NMRAL1: variants seen among roughly 807,000 people sequenced by gnomAD.
The protein encoded by NMRAL1 is NmrA like redox sensor 1, also known as nmrA-like family domain-containing protein 1.
Under a neutral mutation model 27.5 loss-of-function variants are expected in NMRAL1, and 32 were observed. The ratio of observed to expected loss-of-function variants is 1.16; its 90% CI spans 0.88 to 1.56. The LOEUF is 1.56. Among genes scored for constraint, NMRAL1 ranks in the 40% most tolerant of loss-of-function variants. The probability of loss-of-function intolerance (pLI) is 0.00; values close to 1 mark genes in which losing one functional copy is unlikely to be tolerated. For synonymous variants in NMRAL1, 166 were observed against 166.8 expected (o/e 1.00, Z 0.04); for missense variants, 420 against 392.0 (o/e 1.07, Z -0.60).
In NMRAL1 at chr16:4,463,846, C is replaced by G. The variant is rs78791614; in HGVS notation, c.534G>C (p.Leu178Phe). 1 of 1,612,644 alleles carries G rather than the reference C, an allele frequency of 6.2e-7. No individual in the cohort carries two copies. The highest frequency in any genetic ancestry group is 1.3e-5 in the African/African-American group (1 of 75,042). Residue 178 changes from leucine (L) to phenylalanine (F), a missense_variant, in exon 5 of 6, where the codon TTG becomes TTC. Leu to Phe is a conservative substitution (Grantham distance 22). Coordinates refer to ENST00000283429, the MANE Select transcript of NMRAL1 (RefSeq NM_020677.6). ...CATCCATGGGAACGTCACCTGTGGG[C>G]AAGCCTGTGGGGCAGAGACGTGAGC... is the stretch of plus-strand genomic sequence containing the variant. The part of the protein sequence containing the change: ...APDGKSYLLS[L>F]PTGDVPMDGM...
At chr16:4,469,701 A>G (rs1567358811) in intron 2 of NMRAL1, 1 of 757,418 alleles carries the variant, frequency 1.3e-6, no homozygotes, top group Non-Finnish European at 2.0e-6. Flanking sequence ...CCCCGCCTCT[A>G]TCAAAAAATA....
chr16:4,464,021 TG>T (rs1166937894), intron 4 of NMRAL1, 171 bp from the exon 5 acceptor site: 2 of 562,906 alleles, frequency 3.6e-6, no homozygotes, highest in Non-Finnish European at 6.2e-6. Context: ...GAGGCAGCAG[TG>T]GAATTGAGTC....
At position 4,463,661 on chromosome 16, in the gene NMRAL1, T is replaced by A; in HGVS notation, c.719A>T (p.Lys240Met). Reference sequence around the variant, plus strand: ...AGTCACCTGGGGCGGGAGGCCCACCTTGGCATCGTGCACGACCTTGCGGGT... The same window carrying A: ...AGTCACCTGGGGCGGGAGGCCCACCATGGCATCGTGCACGACCTTGCGGGT... ...KHTRKVVHDA[K>M]MTPEDYEKLG... Residue 240 changes from lysine (K) to methionine (M), a missense_variant and splice_region_variant, in exon 5 of 6, where the codon AAG becomes ATG. By Grantham distance (95) the Lys-to-Met change is moderately conservative (BLOSUM62 -1). Coordinates refer to ENST00000283429, the MANE Select transcript of NMRAL1 (RefSeq NM_020677.6). 1 of 1,613,106 alleles carries A rather than the reference T, an allele frequency of 6.2e-7. No individual in the cohort carries two copies. The highest frequency in any genetic ancestry group is 8.5e-7 in the Non-Finnish European group (1 of 1,179,904).
intron 3 of NMRAL1, among the ~76,000 whole-genome samples, chr16:4,468,719 G>C (rs1013139751): frequency 1.3e-5 from 2 of 152,078 alleles, no homozygotes. Flanking sequence ...AAAGGGTCAA[G>C]GCTAATAACA....
At chr16:4,474,833 C>T (rs993257263), upstream of NMRAL1, 1 of 152,266 alleles carries the variant, frequency 6.6e-6, no homozygotes, top group Non-Finnish European at 1.5e-5. Flanking sequence ...CTTGCATGAA[C>T]ATCTTAATTT....
chr16:4,462,333 G>A (rs2057141447), intron 5 of NMRAL1, among the ~76,000 whole-genome samples: 1 of 151,978 alleles, frequency 6.6e-6, no homozygotes. Flanking sequence ...ACAAAAATTA[G>A]CCAGCCTGGT....
intron 4 of NMRAL1, 74 bp from the exon 5 acceptor site, chr16:4,463,924 G>T: frequency 7.9e-7 from 1 of 1,259,598 alleles, no homozygotes; most frequent in Non-Finnish European, 1.1e-6. Flanking sequence ...CTCTCCAAAG[G>T]GTCCAAGCTG....
chr16:4,466,362 T>G lies in NMRAL1; in HGVS notation c.320A>C (p.His107Pro), dbSNP rs1567351655. ...LADLARRLGL[H>P]YVVYSGLENI... ...CTCCAGGCCGCTGTAGACCACATAG[T>G]GGAGGCCCAGGCGCCTGGCCAGATC... is the stretch of plus-strand genomic sequence containing the variant. Residue 107 changes from histidine (H) to proline (P), a missense_variant, in exon 4 of 6, where the codon CAC (histidine) becomes CCC (proline). Coordinates refer to ENST00000283429, the MANE Select transcript of NMRAL1 (RefSeq NM_020677.6). 2.5e-6 allele frequency: 4 copies of G among 1,613,338 alleles called. No individual in the cohort carries two copies. The highest frequency in any genetic ancestry group is 3.4e-6 in the Non-Finnish European group (4 of 1,179,994).
rs1316413428 is a variant in NMRAL1, at chr16:4,463,736, C to T, written c.644G>A (p.Ser215Asn). 3 of 1,614,082 alleles carry T rather than the reference C, an allele frequency of 1.9e-6. No individual in the cohort carries two copies. The highest frequency in any genetic ancestry group is 3.3e-5 in the Admixed American group (2 of 60,016). Residue 215 changes from serine to asparagine, a missense_variant, in exon 5 of 6, where the codon AGC (serine) becomes AAC (asparagine). Physicochemically the swap from Ser to Asn is conservative, Grantham distance 46 (BLOSUM62 1). Coordinates refer to ENST00000283429, the MANE Select transcript of NMRAL1 (RefSeq NM_020677.6). ...CTCCTCGGCCGTGTGCCTGCAAGTGCTCAGCCCGATGTTCTGGCCGACGTA... is the reference window on the plus strand; with the variant it reads ...CTCCTCGGCCGTGTGCCTGCAAGTGTTCAGCCCGATGTTCTGGCCGACGTA... Reference protein sequence around the residue: ...EKYVGQNIGLSTCRHTAEEYA... With the variant: ...EKYVGQNIGLNTCRHTAEEYA...
At chr16:4,462,657 T>C (rs1350979959) in intron 5 of NMRAL1, among the ~76,000 whole-genome samples, 2 of 152,042 alleles carry the variant, frequency 1.3e-5, no homozygotes, top group Non-Finnish European at 2.9e-5. Context: ...GAGGATCGCT[T>C]GAGCCCAGGA....
At chr16:4,466,024 G>T in intron 4 of NMRAL1, 129 bp downstream of exon 4, 7 of 1,106,886 alleles carry the variant, frequency 6.3e-6, no homozygotes, top group Non-Finnish European at 9.3e-6. Flanking sequence ...GATGTGCTCA[G>T]TCCTGGGCCT....
chr16:4,472,801 G>C (rs1039728077), intron 2 of NMRAL1, among the ~76,000 whole-genome samples: 7 of 150,632 alleles, frequency 4.6e-5, no homozygotes, highest in African/African-American at 7.3e-5. Flanking sequence ...AACAAACCTT[G>C]AAAACATGCT....
At chr16:4,473,756 T>C (rs1404811945) in intron 2 of NMRAL1, among the ~76,000 whole-genome samples, 1 of 151,918 alleles carries the variant, frequency 6.6e-6, no homozygotes, top group Non-Finnish European at 1.5e-5. Flanking sequence ...TGAAACCCCG[T>C]CTCTACTAAA....
chr16:4,463,916 C>G (rs2141419106), intron 4 of NMRAL1, 66 bp from the exon 5 acceptor site: 3 of 1,383,976 alleles, frequency 2.2e-6, no homozygotes, highest in Non-Finnish European at 3.0e-6. Flanking sequence ...CAGAGCCCCT[C>G]TCCAAAGGGT....
At chr16:4,473,958 C>T (rs2057708277) in intron 2 of NMRAL1, 135 bp downstream of exon 2, 1 of 632,302 alleles carries the variant, frequency 1.6e-6, no homozygotes. Context: ...ATTTGGGCCT[C>T]GTTCCTGCGA....
chr16:4,472,835 G>C (rs1238655725), intron 2 of NMRAL1, among the ~76,000 whole-genome samples: 1 of 151,684 alleles, frequency 6.6e-6, no homozygotes, highest in East Asian at 1.9e-4. Flanking sequence ...AGAGAGAAAA[G>C]GCTACATATT....
At chr16:4,467,994 C>T (rs965213986) in intron 3 of NMRAL1, among the ~76,000 whole-genome samples, 1 of 151,908 alleles carries the variant, frequency 6.6e-6, no homozygotes, top group Non-Finnish European at 1.5e-5. Context: ...AGGGAATCAT[C>T]AGGATTAGAA....
At chr16:4,464,084 T>A (rs1347467910) in intron 4 of NMRAL1, 4 of 535,976 alleles carry the variant, frequency 7.5e-6, no homozygotes, top group Non-Finnish European at 1.3e-5. Context: ...CTGTTGAGGC[T>A]CTCTGAGCCT....
chr16:4,463,677 C>T lies in NMRAL1; in HGVS notation c.703G>A (p.Val235Ile). 6.2e-7 allele frequency: 1 copy of T among 1,613,864 alleles called. No homozygotes were observed. Among genetic ancestry groups the T allele is most frequent in the Non-Finnish European group, 8.5e-7 (1 of 1,180,020 alleles). ...AGGCCCACCTTGGCATCGTGCACGA[C>T]CTTGCGGGTGTGCTTGGTGAGCAGG... ...AALLTKHTRK[V>I]VHDAKMTPED... is the part of the protein sequence containing the mutation. The change falls in exon 5 of 6, where the codon GTC (valine) becomes ATC (isoleucine). Residue 235 changes from valine to isoleucine, a missense_variant. By Grantham distance (29) the Val-to-Ile change is conservative. Transcript: ENST00000283429.
Sources: gnomAD v4.1 joint callset for allele counts (sites outside exome capture counted in the v4.1 genomes callset) on GRCh38, gnomAD v4.1.1 for gene constraint, MANE v1.5 for transcripts, NCBI Gene and HGNC (gene_info 2026-07-23, HGNC 2026-07-21) for gene names.